Variants in CFAP92 observed in about 807,000 individuals in gnomAD.
CFAP92 encodes the protein uncharacterized protein CFAP92.
Under a neutral mutation model 106.3 loss-of-function variants are expected in CFAP92, and 86 were observed. The ratio of observed to expected loss-of-function variants is 0.81; its 90% CI spans 0.68 to 0.97. The LOEUF is 0.97. CFAP92 is among the 50% of genes least tolerant of loss of function. CFAP92 has a pLI of 0.00. For missense variants in CFAP92, 1,204 were observed against 1,283.8 expected, an observed-to-expected ratio of 0.94 and a Z score of 0.95; for synonymous variants, 477 against 506.4, an observed-to-expected ratio of 0.94 and a Z score of 0.78.
the CFAP92 span, among the ~76,000 whole-genome samples, chr3:129,011,978 C>G: frequency 6.6e-6 from 1 of 152,252 alleles, no homozygotes; most frequent in Non-Finnish European, 1.5e-5. Flanking sequence ...AGGCTGGATT[C>G]AGTCCACGAG....
intron 9 of CFAP92, among the ~76,000 whole-genome samples, chr3:128,956,983 A>AC (rs1941483043): frequency 6.9e-5 from 9 of 129,644 alleles, no homozygotes; most frequent in Non-Finnish European, 8.4e-5. Context: ...CTCTCAAAAA[A>AC]AAAAAAAAAA....
intron 10 of CFAP92, among the ~76,000 whole-genome samples, chr3:128,938,491 CTTT>C (rs11361650): frequency 2.4e-4 from 32 of 135,774 alleles, no homozygotes; most frequent in Non-Finnish European, 2.3e-4. Flanking sequence ...CTTCACCATT[CTTT>C]TTTTTTTTTT....
chr3:129,019,398 C>T, the CFAP92 span, among the ~76,000 whole-genome samples: 16 of 152,212 alleles, frequency 1.1e-4, no homozygotes, highest in African/African-American at 3.6e-4. Flanking sequence ...GAAGCCCAGT[C>T]AGTCCACTCA....
chr3:128,959,240 C>T (rs1375457185), intron 9 of CFAP92, among the ~76,000 whole-genome samples: 4 of 151,748 alleles, frequency 2.6e-5, no homozygotes, highest in African/African-American at 4.8e-5. Context: ...ATAAAAAAGA[C>T]GACAAAAAGG....
the CFAP92 span, among the ~76,000 whole-genome samples, chr3:129,010,378 A>G: frequency 1.3e-5 from 2 of 152,368 alleles, no homozygotes; most frequent in Admixed American, 1.3e-4. The surrounding 1 kb of genome is among the most constrained non-coding windows in gnomAD (Gnocchi z 4.3). Context: ...ACCACTGGGC[A>G]GGGGCTGGTG....
chr3:128,962,517 G>A (rs1171900663), intron 9 of CFAP92, among the ~76,000 whole-genome samples: 2 of 152,148 alleles, frequency 1.3e-5, no homozygotes, highest in African/African-American at 2.4e-5. Context: ...GACTACAGCT[G>A]CATCTCATTG....
chr3:128,989,289 TAAAAAAAAA>T (rs56776852), intron 2 of CFAP92, among the ~76,000 whole-genome samples: 2 of 122,260 alleles, frequency 1.6e-5, no homozygotes, highest in Non-Finnish European at 3.5e-5. Context: ...AAGAAGCAGG[TAAAAAAAAA>T]AAAAAAAAAA....
rs541630613 is a variant in CFAP92 at position 128,979,556 on chromosome 3, A to T, written c.668-1371T>A. Among the ~76,000 whole-genome samples the T allele has an allele frequency of 2.0e-5, 3 of 152,318 alleles. No individual in the cohort carries two copies. In the East Asian group the frequency reaches 5.8e-4, roughly 29 times the overall value. On this transcript the variant is annotated intron_variant, in intron 4 of 15. Coordinates refer to ENST00000645291, the MANE Select transcript of CFAP92 (RefSeq NM_001394090.1). The stretch of plus-strand genomic sequence containing the variant: ...GACTTGAAACCAACCCAAATGTCCA[A>T]CAATGATAGGCTGGATTAAGAAAAT...
chr3:129,019,852 TC>T, the CFAP92 span, among the ~76,000 whole-genome samples: 2 of 141,602 alleles, frequency 1.4e-5, no homozygotes, highest in African/African-American at 2.6e-5. Context: ...CACTGCAACC[TC>T]CACCTCCCAG....
At chr3:128,911,210 C>T (rs1214299075) in intron 15 of CFAP92, among the ~76,000 whole-genome samples, 2 of 152,162 alleles carry the variant, frequency 1.3e-5, no homozygotes, top group African/African-American at 4.8e-5. Flanking sequence ...GCGCACGCCA[C>T]CACGCCCGGC....
intron 10 of CFAP92, among the ~76,000 whole-genome samples, chr3:128,936,214 A>G (rs1332917051): frequency 1.3e-5 from 2 of 152,222 alleles, no homozygotes; most frequent in African/African-American, 4.8e-5. Context: ...GAACCTGGTG[A>G]AGTCTACAAT....
At chr3:129,002,003 C>G in intron 1 of CFAP92, 1 of 1,545,848 alleles carries the variant, frequency 6.5e-7, no homozygotes, top group Non-Finnish European at 8.7e-7. Context: ...ACTCAGATAC[C>G]GATGAAGAGG....
intron 4 of CFAP92, among the ~76,000 whole-genome samples, chr3:128,986,606 A>T (rs1414897676): frequency 6.6e-6 from 1 of 152,208 alleles, no homozygotes; most frequent in Non-Finnish European, 1.5e-5. Flanking sequence ...ATTTAATTAC[A>T]GTTCTTAAAT....
chr3:128,984,241 A>AATGCAAAGTATTGATCCTGCTTGT (rs1309725491), intron 4 of CFAP92, among the ~76,000 whole-genome samples: 3 of 152,220 alleles, frequency 2.0e-5, no homozygotes, highest in Non-Finnish European at 4.4e-5. Context: ...TGATTGAAGG[A>AATGCAAAGTATTGATCCTGCTTGT]ATGCAAAGTA....
At chr3:128,972,247 CTT>C (rs58453936) in intron 7 of CFAP92, among the ~76,000 whole-genome samples, 4 of 145,460 alleles carry the variant, frequency 2.7e-5, no homozygotes. Context: ...GGATTTCTTT[CTT>C]TTTTTTTTTT....
chr3:128,987,504 C>T (rs1348512165), intron 4 of CFAP92, 112 bp downstream of exon 4: 2 of 904,484 alleles, frequency 2.2e-6, no homozygotes, highest in Non-Finnish European at 3.5e-6. Context: ...CTGCAAAACC[C>T]GTGTGTGCAC....
the CFAP92 span, among the ~76,000 whole-genome samples, chr3:129,021,570 G>A: frequency 9.2e-5 from 14 of 152,058 alleles, no homozygotes; most frequent in African/African-American, 2.7e-4. Flanking sequence ...TTGAAACTCC[G>A]TCTCAAAAAA....
chr3:128,968,087 A>T (rs1027568474), intron 8 of CFAP92: 1 of 152,202 alleles, frequency 6.6e-6, no homozygotes, highest in African/African-American at 2.4e-5. Context: ...ACATGCGCTA[A>T]TGTCATTTCA....
Position 128,933,011 on chromosome 3 carries a change from C to T in CFAP92, c.2454-14G>A. On this transcript the variant is annotated splice_polypyrimidine_tract_variant and intron_variant, in intron 11 of 15. Coordinates refer to ENST00000645291, the MANE Select transcript of CFAP92 (RefSeq NM_001394090.1). ...ATGTCGTGGATCCTGGAACAAAGAACCACTGCCCCACTGAACCTCTCCTAC... is the reference window on the plus strand; with the variant it reads ...ATGTCGTGGATCCTGGAACAAAGAATCACTGCCCCACTGAACCTCTCCTAC... 1.3e-6 allele frequency: 2 copies of T among 1,535,650 alleles called. No homozygotes were observed. Among genetic ancestry groups the T allele is most frequent in the Non-Finnish European group, 1.7e-6 (2 of 1,146,540 alleles).
Sources: gnomAD v4.1 joint callset for allele counts (sites outside exome capture counted in the v4.1 genomes callset) on GRCh38, gnomAD v4.1.1 for gene constraint, Gnocchi (gnomAD v3.1) non-coding constraint, MANE v1.5 for transcripts, NCBI Gene and HGNC (gene_info 2026-07-23, HGNC 2026-07-21) for gene names.